Variants in GRB10 observed in about 807,000 individuals in gnomAD.
GRB10 encodes the protein growth factor receptor-bound protein 10.
In GRB10, 20 loss-of-function variants were observed where a neutral mutation model predicts 80.9. That is an observed-to-expected ratio of 0.25 (90% CI 0.17 to 0.36). The LOEUF (loss-of-function observed/expected upper bound fraction) is 0.36. Ranked by LOEUF, GRB10 falls within the 10% of genes least tolerant of loss-of-function variation. The pLI is 1.00. For synonymous variants in GRB10, 291 were observed against 291.5 expected, an observed-to-expected ratio of 1.00 and a Z score of 0.02; for missense variants, 548 against 747.7, an observed-to-expected ratio of 0.73 and a Z score of 3.12.
chr7:50,788,536 A>T (rs959816985), intron 1 of GRB10, among the ~76,000 whole-genome samples: 3 of 152,174 alleles, frequency 2.0e-5, no homozygotes, highest in African/African-American at 7.2e-5. Flanking sequence ...GCACATGAGG[A>T]TCCCAGCCCC....
chr7:50,667,916 A>G (rs6960298), intron 7 of GRB10, among the ~76,000 whole-genome samples: 3,583 of 152,330 alleles, frequency 0.024, 138 homozygotes, highest in African/African-American at 0.078. Flanking sequence ...AAAGGCTGAG[A>G]GAGCCAGATA....
chr7:50,669,637 C>T, intron 7 of GRB10, 85 bp downstream of exon 7: 1 of 1,358,018 alleles, frequency 7.4e-7, no homozygotes, highest in Non-Finnish European at 1.0e-6. Flanking sequence ...GCCCTTCTTC[C>T]CAAAGTAATA....
At chr7:50,686,666 A>C (rs965957081) in intron 5 of GRB10, among the ~76,000 whole-genome samples, 5 of 152,204 alleles carry the variant, frequency 3.3e-5, no homozygotes, top group Admixed American at 6.5e-5. Context: ...CATGACAAAC[A>C]AAAGCCACCA....
chr7:50,752,627 C>G (rs1447255953), intron 3 of GRB10, among the ~76,000 whole-genome samples: 4 of 152,140 alleles, frequency 2.6e-5, no homozygotes, highest in African/African-American at 9.7e-5. Context: ...GACTGCATTC[C>G]AAGGGTGAGC....
chr7:50,733,547 T>C (rs549997448), intron 3 of GRB10, among the ~76,000 whole-genome samples: 2 of 152,278 alleles, frequency 1.3e-5, no homozygotes, highest in South Asian at 4.1e-4. Context: ...TTGCTGGGGC[T>C]GAAAGGAAGC....
intron 6 of GRB10, 33 bp downstream of exon 6, chr7:50,674,403 G>A (rs753577313): frequency 3.2e-6 from 5 of 1,587,186 alleles, no homozygotes; most frequent in Non-Finnish European, 4.3e-6. Context: ...TCTCATCCTT[G>A]GAGAAGGCTC....
chr7:50,755,972 G>C lies in GRB10; in HGVS notation c.-132C>G, dbSNP rs1255100891. 1 of 398,792 alleles carries C rather than the reference G, an allele frequency of 2.5e-6. No homozygotes were observed. The highest frequency in any genetic ancestry group is 3.6e-5 in the East Asian group (1 of 28,086). 24.7% of individuals were successfully genotyped at this position (398,792 alleles called of 1,614,324 possible). ...GGACCCAGGTGAGGACCTGGCTGCC[G>C]GTCACTGGGCTGCTGGTCACTGAGC... On this transcript the variant is annotated 5_prime_UTR_variant, in exon 3 of 19. Coordinates refer to ENST00000401949, the MANE Select transcript of GRB10 (RefSeq NM_001350814.2).
chr7:50,699,630 C>T (rs937283562), intron 5 of GRB10, among the ~76,000 whole-genome samples: 2 of 152,168 alleles, frequency 1.3e-5, no homozygotes, highest in Non-Finnish European at 2.9e-5. Context: ...GTTTCATTTA[C>T]ATTTCACTTA....
At chr7:50,689,994 AG>A (rs1454435139) in intron 5 of GRB10, among the ~76,000 whole-genome samples, 15 of 150,216 alleles carry the variant, frequency 1.0e-4, no homozygotes, top group African/African-American at 3.5e-4. Context: ...GTGGTTAAAA[AG>A]GAAAAAAAAA....
At chr7:50,743,612 G>A (rs2072297995) in intron 3 of GRB10, among the ~76,000 whole-genome samples, 1 of 152,234 alleles carries the variant, frequency 6.6e-6, no homozygotes, top group Non-Finnish European at 1.5e-5. Flanking sequence ...TTGCACAGCT[G>A]CATAGTTAAT....
At chr7:50,608,076 T>C (rs774524051) in intron 13 of GRB10, among the ~76,000 whole-genome samples, 3 of 152,124 alleles carry the variant, frequency 2.0e-5, no homozygotes, top group Non-Finnish European at 4.4e-5. Flanking sequence ...GGGGAAATAT[T>C]TGATGAGATA....
At chr7:50,678,915 C>T (rs1480801056) in intron 5 of GRB10, among the ~76,000 whole-genome samples, 10 of 152,198 alleles carry the variant, frequency 6.6e-5, no homozygotes, top group Admixed American at 3.9e-4. Flanking sequence ...AAATGCTTCT[C>T]GCAGTGAATA....
At chr7:50,766,150 T>A (rs746563544) in intron 2 of GRB10, among the ~76,000 whole-genome samples, 7 of 152,212 alleles carry the variant, frequency 4.6e-5, no homozygotes, top group Non-Finnish European at 8.8e-5. Context: ...TAAGAAAGAA[T>A]GTTTTCATCC....
chr7:50,761,229 T>G (rs989200177), intron 2 of GRB10, among the ~76,000 whole-genome samples: 2 of 152,252 alleles, frequency 1.3e-5, no homozygotes, highest in Non-Finnish European at 2.9e-5. Flanking sequence ...GCCACACGGT[T>G]TGTGATTTTA....
chr7:50,780,328 CA>C (rs1189800419), intron 2 of GRB10, among the ~76,000 whole-genome samples: 1 of 152,108 alleles, frequency 6.6e-6, no homozygotes, highest in Non-Finnish European at 1.5e-5. Flanking sequence ...CTGACAGAAG[CA>C]AAAGGCCCAC....
chr7:50,654,521 G>C (rs191888295), intron 7 of GRB10, among the ~76,000 whole-genome samples: 113 of 152,316 alleles, frequency 7.4e-4, no homozygotes, highest in African/African-American at 2.6e-3. Flanking sequence ...TTCTCCTCTA[G>C]AAAGAGCTCA....
At chr7:50,783,352 A>G (rs1165443787), upstream of GRB10, among the ~76,000 whole-genome samples, 1 of 152,130 alleles carries the variant, frequency 6.6e-6, no homozygotes, top group East Asian at 1.9e-4. Flanking sequence ...ACTGAGAGTC[A>G]GCGAGGGAAA....
exon 1 of GRB10, chr7:50,793,300 C>T (rs2079014085): frequency 6.8e-6 from 1 of 146,342 alleles, no homozygotes; most frequent in African/African-American, 2.5e-5. Flanking sequence ...GCGCGGGTCC[C>T]CGCGGGGCGA....
At chr7:50,595,248 T>C (rs2046426926) in intron 18 of GRB10, among the ~76,000 whole-genome samples, 189 bp downstream of exon 18, 1 of 152,242 alleles carries the variant, frequency 6.6e-6, no homozygotes, top group African/African-American at 2.4e-5. Context: ...ACTTTCAGGA[T>C]TATTTCCAGG....
Sources: gnomAD v4.1 joint callset for allele counts (sites outside exome capture counted in the v4.1 genomes callset) on GRCh38, gnomAD v4.1.1 for gene constraint, MANE v1.5 for transcripts, NCBI Gene and HGNC (gene_info 2026-07-23, HGNC 2026-07-21) for gene names.